The following RYR2 variants were observed in gnomAD, a reference collection of about 807,000 sequenced individuals.
The protein encoded by RYR2 is cardiac muscle ryanodine receptor-calcium release channel.
Under a neutral mutation model 601.1 loss-of-function variants are expected in RYR2, and 227 were observed. The ratio of observed to expected loss-of-function variants is 0.38; its 90% CI spans 0.34 to 0.42. RYR2 has a LOEUF of 0.42. RYR2 is among the 10% of genes least tolerant of loss of function. RYR2 has a pLI of 1.00. For synonymous variants in RYR2, 2,223 were observed against 2,175.1 expected (o/e 1.02, Z -0.61); for missense variants, 4,646 against 6,156.5 (o/e 0.75, Z 8.21).
chr1:237,158,587 A>T (rs762623346), intron 1 of RYR2, among the ~76,000 whole-genome samples: 7 of 152,140 alleles, frequency 4.6e-5, no homozygotes, highest in Non-Finnish European at 1.0e-4. Context: ...CTTAAAAATG[A>T]TTGGATCCCA....
At chr1:237,193,006 T>C (rs1000333224) in intron 1 of RYR2, among the ~76,000 whole-genome samples, 1 of 151,880 alleles carries the variant, frequency 6.6e-6, no homozygotes, top group Non-Finnish European at 1.5e-5. Flanking sequence ...CTCTAAAAAT[T>C]ACCTTTCTCT....
At position 237,638,470 on chromosome 1, in the gene RYR2, T is replaced by C. The variant is rs707189; in HGVS notation, c.6906T>C (p.Leu2302=). 0.99 allele frequency: 1,602,993 copies of C among 1,613,928 alleles called. 796,679 individuals carry two copies. The highest frequency in any genetic ancestry group is 1 in the East Asian group (44,860 of 44,860). ...PVEGERYLDF[L]RFAVFCNGES... ...AAGGAGAGAGATATCTTGACTTTCT[T>C]AGATTTGCTGTCTTCTGTAATGGTA... The change falls in exon 45 of 105, where the codon CTT becomes CTC. Residue 2302 remains leucine (L), a synonymous_variant. Coordinates refer to ENST00000366574, the MANE Select transcript of RYR2 (RefSeq NM_001035.3).
intron 48 of RYR2, among the ~76,000 whole-genome samples, chr1:237,647,772 A>T (rs1028095507): frequency 2.0e-5 from 3 of 152,224 alleles, no homozygotes; most frequent in African/African-American, 7.2e-5. Context: ...ATTCTTCAGT[A>T]TTTGAAATTG....
chr1:237,780,457 G>A (rs539154634), intron 88 of RYR2, among the ~76,000 whole-genome samples: 57 of 152,148 alleles, frequency 3.7e-4, no homozygotes, highest in Admixed American at 4.6e-4. Flanking sequence ...GAAAGAAAAC[G>A]TCTCATCTTC....
At chr1:237,567,694 GTCT>G (rs548046227) in intron 28 of RYR2, among the ~76,000 whole-genome samples, 133 of 151,658 alleles carry the variant, frequency 8.8e-4, no homozygotes, top group South Asian at 8.8e-3. Context: ...TTTTTTTAAA[GTCT>G]TCTTTTTTTT....
chr1:237,072,792 C>CA (rs1175642256), intron 1 of RYR2, among the ~76,000 whole-genome samples: 14 of 151,702 alleles, frequency 9.2e-5, no homozygotes, highest in Admixed American at 8.5e-4. Flanking sequence ...ACTAAAAGTA[C>CA]AAAAAATTAC....
chr1:237,666,557 A>G lies in RYR2; in HGVS notation c.8482A>G (p.Met2828Val), dbSNP rs948094250. ...AHGYSPRAID[M>V]SNVTLSRDLH... Reference sequence around the variant, plus strand: ...TGGTTACAGTCCCCGGGCCATTGACATGAGCAATGTTACACTATCTAGAGA... The same window carrying G: ...TGGTTACAGTCCCCGGGCCATTGACGTGAGCAATGTTACACTATCTAGAGA... The change falls in exon 57 of 105, where the codon ATG (methionine) becomes GTG (valine). Residue 2828 changes from methionine to valine, a missense_variant. By Grantham distance (21) the Met-to-Val change is conservative. Around this residue, in one of 17 missense-constraint regions of RYR2, gnomAD observed 1,497 missense variants for 1,842.6 expected, o/e 0.81. Coordinates refer to ENST00000366574, the MANE Select transcript of RYR2 (RefSeq NM_001035.3). 1.2e-6 allele frequency: 2 copies of G among 1,612,904 alleles called. No individual in the cohort carries two copies. The highest frequency in any genetic ancestry group is 1.3e-5 in the African/African-American group (1 of 75,040).
intron 28 of RYR2, among the ~76,000 whole-genome samples, chr1:237,568,040 G>A (rs1306914179): frequency 1.3e-5 from 2 of 152,048 alleles, no homozygotes; most frequent in Admixed American, 1.3e-4. Context: ...GGCAGCTTTA[G>A]GTTTATACCT....
At chr1:237,235,579 G>T (rs1284723215) in intron 1 of RYR2, among the ~76,000 whole-genome samples, 1 of 152,168 alleles carries the variant, frequency 6.6e-6, no homozygotes, top group Non-Finnish European at 1.5e-5. Flanking sequence ...GGAGTGAACT[G>T]CTTTTTGTCT....
chr1:237,156,374 C>G (rs918752399), intron 1 of RYR2, among the ~76,000 whole-genome samples: 5 of 152,162 alleles, frequency 3.3e-5, no homozygotes, highest in Admixed American at 2.0e-4. Flanking sequence ...AAAAGAAAGT[C>G]TCAGACTCAA....
intron 94 of RYR2, among the ~76,000 whole-genome samples, chr1:237,792,658 T>A (rs1033564670): frequency 3.3e-5 from 5 of 152,102 alleles, no homozygotes; most frequent in African/African-American, 1.2e-4. Flanking sequence ...TATGTCTACA[T>A]TGACTAGTCT....
At chr1:237,335,943 TTAAA>T (rs1273622728) in intron 3 of RYR2, among the ~76,000 whole-genome samples, 9 of 152,208 alleles carry the variant, frequency 5.9e-5, no homozygotes, top group East Asian at 1.9e-4. Flanking sequence ...GAAATGAATA[TTAAA>T]TAAATCCAAT....
intron 1 of RYR2, among the ~76,000 whole-genome samples, chr1:237,225,900 C>CA (rs1684312679): frequency 6.6e-6 from 1 of 152,012 alleles, no homozygotes; most frequent in Non-Finnish European, 1.5e-5. Flanking sequence ...ACTAGAAATA[C>CA]AAAAATTAGC....
At position 237,709,072 on chromosome 1, in the gene RYR2, C is replaced by G; in HGVS notation, c.10116C>G (p.Leu3372=). The change falls in exon 69 of 105, where the codon CTC becomes CTG. Residue 3372 remains leucine (L), a synonymous_variant. Transcript: ENST00000366574. ...LARDLYAFYP[L]LIRFVDYNRA... is the part of the protein sequence containing the mutation. ...GAGATCTCTATGCCTTCTACCCTCT[C>G]TTGATTAGATTTGTGGACTATAACA... 6.3e-7 allele frequency: 1 copy of G among 1,593,072 alleles called. No individual in the cohort carries two copies. Among genetic ancestry groups the G allele is most frequent in the Non-Finnish European group, 8.6e-7 (1 of 1,168,612 alleles).
chr1:237,397,889 T>C (rs947216488), intron 10 of RYR2, among the ~76,000 whole-genome samples: 4 of 151,934 alleles, frequency 2.6e-5, no homozygotes, highest in Non-Finnish European at 5.9e-5. Context: ...ATCTGGCTAA[T>C]TTTTTGTATT....
intron 1 of RYR2, among the ~76,000 whole-genome samples, chr1:237,178,573 C>T (rs1310070847): frequency 6.6e-6 from 1 of 151,740 alleles, no homozygotes; most frequent in African/African-American, 2.4e-5. Flanking sequence ...ACCTCTAATC[C>T]CAGTGCTTTG....
intron 1 of RYR2, among the ~76,000 whole-genome samples, chr1:237,242,714 A>G (rs916385438): frequency 6.6e-6 from 1 of 152,144 alleles, no homozygotes; most frequent in Non-Finnish European, 1.5e-5. Flanking sequence ...GAAATTTCCT[A>G]CAGAAAATGG....
At chr1:237,541,183 A>C (rs1381441433) in intron 25 of RYR2, among the ~76,000 whole-genome samples, 1 of 152,214 alleles carries the variant, frequency 6.6e-6, no homozygotes, top group Non-Finnish European at 1.5e-5. Flanking sequence ...AATTTCACAG[A>C]CCAGAAATTT....
intron 80 of RYR2, among the ~76,000 whole-genome samples, chr1:237,751,215 G>A (rs1437366441): frequency 6.6e-6 from 1 of 152,180 alleles, no homozygotes; most frequent in African/African-American, 2.4e-5. Flanking sequence ...AGGAGAGAAA[G>A]AACTGCATAG....
Sources: gnomAD v4.1 joint callset for allele counts (sites outside exome capture counted in the v4.1 genomes callset) on GRCh38, gnomAD v4.1.1 for gene constraint, gnomAD v4.1.1 regional missense constraint, MANE v1.5 for transcripts, NCBI Gene and HGNC (gene_info 2026-07-23, HGNC 2026-07-21) for gene names.